GAN: variants seen among roughly 807,000 people sequenced by gnomAD.
GAN encodes epididymis secretory sperm binding protein.
Under a neutral mutation model 71.3 loss-of-function variants are expected in GAN, and 48 were observed. The ratio of observed to expected loss-of-function variants is 0.67; its 90% CI spans 0.53 to 0.86. The LOEUF is 0.86. GAN is among the 40% of genes least tolerant of loss of function. The probability of loss-of-function intolerance (pLI) is 0.00; values close to 1 mark genes in which losing one functional copy is unlikely to be tolerated. For synonymous variants in GAN, 386 were observed against 276.8 expected (o/e 1.39, Z -3.92); for missense variants, 928 against 770.1 (o/e 1.21, Z -2.43).
In GAN at chr16:81,389,444, C is replaced by T. The variant is rs1904500231; in HGVS notation, c.*11848C>T. 6.6e-6 allele frequency: 1 copy of T among 152,194 alleles called. No homozygotes were observed. The allele number at this position is 152,194 out of a possible 1,614,324, so 9.4% of individuals were successfully genotyped here. On this transcript the variant is annotated 3_prime_UTR_variant, in exon 11 of 11. Coordinates refer to ENST00000648994, the MANE Select transcript of GAN (RefSeq NM_022041.4). ...CCACTGTTGGGGTGTGTACCAGCAG[C>T]CTGGAAGTGACCAGCAGAGCTGACA...
chr16:81,371,557 G>A (rs1270514406), intron 9 of GAN, among the ~76,000 whole-genome samples: 1 of 152,174 alleles, frequency 6.6e-6, no homozygotes, highest in Non-Finnish European at 1.5e-5. Flanking sequence ...CGAAGCCTCG[G>A]TCATAAGCAT....
intron 1 of GAN, among the ~76,000 whole-genome samples, chr16:81,330,299 G>A (rs1909533273): frequency 6.6e-6 from 1 of 152,234 alleles, no homozygotes; most frequent in Admixed American, 6.5e-5. Context: ...GGCTGATTCA[G>A]TGCTGGGGCA....
chr16:81,373,292 T>G (rs1225148198), intron 9 of GAN, among the ~76,000 whole-genome samples: 1 of 152,210 alleles, frequency 6.6e-6, no homozygotes, highest in Non-Finnish European at 1.5e-5. Context: ...CTTAAGACCA[T>G]TTAGATGCAT....
rs185199915 is a variant in GAN, at chr16:81,343,006, A to G, written c.168-8577A>G. 1.7e-3 allele frequency among the ~76,000 whole-genome samples: 257 copies of G among 152,312 alleles called. No homozygotes were observed. In the Middle Eastern group the frequency reaches 0.017, roughly 10 times the overall value. Reference sequence around the variant, plus strand: ...CAGAGAATACTATGAACACCTCTACAGAAATAAACTAGAACATCTAGAAGA... The same window carrying G: ...CAGAGAATACTATGAACACCTCTACGGAAATAAACTAGAACATCTAGAAGA... On this transcript the variant is annotated intron_variant, in intron 1 of 10. Transcript: ENST00000648994.
At chr16:81,372,280 G>C (rs6564876) in intron 9 of GAN, among the ~76,000 whole-genome samples, 100,809 of 152,082 alleles carry the variant, frequency 0.66, 33,589 homozygotes, top group East Asian at 0.87. Context: ...GCAAAAATTA[G>C]TATCGTTTAA....
At chr16:81,350,915 C>A (rs562751762) in intron 1 of GAN, among the ~76,000 whole-genome samples, 2 of 152,068 alleles carry the variant, frequency 1.3e-5, no homozygotes, top group East Asian at 3.8e-4. Flanking sequence ...CCCCAGATGC[C>A]CATCAACAGG....
At chr16:81,338,592 A>C (rs1046735482) in intron 1 of GAN, among the ~76,000 whole-genome samples, 1 of 152,240 alleles carries the variant, frequency 6.6e-6, no homozygotes, top group Admixed American at 6.5e-5. Flanking sequence ...AGTATATGGA[A>C]GGAAAGAAAT....
At position 81,377,319 on chromosome 16, in the gene GAN, C is replaced by T; in HGVS notation, c.1603C>T (p.Leu535Phe). 1 of 1,591,664 alleles carries T rather than the reference C, an allele frequency of 6.3e-7. No homozygotes were observed. The highest frequency in any genetic ancestry group is 1.7e-5 in the Admixed American group (1 of 59,988). Residue 535 changes from leucine to phenylalanine, a missense_variant, in exon 10 of 11, where the codon CTT (leucine) becomes TTT (phenylalanine). Leu to Phe is a conservative substitution (Grantham distance 22, BLOSUM62 0). Transcript: ENST00000648994. The stretch of plus-strand genomic sequence containing the variant: ...AGCCAGTATTTATGTTATTGGAGAT[C>T]TTGATACAGGTAAGAGTGTTACAGT... ...IGASIYVIGDLDTGTNYDYVR... is the reference protein window; with the variant it reads ...IGASIYVIGDFDTGTNYDYVR...
intron 2 of GAN, among the ~76,000 whole-genome samples, chr16:81,353,496 C>A (rs1404193144): frequency 6.6e-6 from 1 of 152,140 alleles, no homozygotes; most frequent in African/African-American, 2.4e-5. Flanking sequence ...ATACTACTTT[C>A]CACATTTTTG....
rs1403913047 is a variant in GAN at position 81,388,416 on chromosome 16, T to C, written c.*10820T>C. Reference sequence around the variant, plus strand: ...AACCAGCTGGCCCTGGCTGTGAGAGTCAGATCTGTCCCCAAGGCTCCAGGT... The same window carrying C: ...AACCAGCTGGCCCTGGCTGTGAGAGCCAGATCTGTCCCCAAGGCTCCAGGT... On this transcript the variant is annotated 3_prime_UTR_variant, in exon 11 of 11. Transcript: ENST00000648994. The C allele has an allele frequency of 6.6e-6, 1 of 152,210 alleles. No individual in the cohort carries two copies. Among genetic ancestry groups the C allele is most frequent in the Non-Finnish European group, 1.5e-5 (1 of 68,240 alleles). 9.4% of individuals were successfully genotyped at this position (152,210 alleles called of 1,614,324 possible). A position where few individuals can be genotyped will look rare whatever the true frequency, so the allele number is the denominator to read the frequency against.
intron 1 of GAN, among the ~76,000 whole-genome samples, chr16:81,320,787 C>T (rs891068742): frequency 6.6e-6 from 1 of 152,186 alleles, no homozygotes; most frequent in East Asian, 1.9e-4. Flanking sequence ...GCTTGAGTCT[C>T]TTTTAAGGGA....
At chr16:81,334,585 G>A (rs143988931) in intron 1 of GAN, among the ~76,000 whole-genome samples, 21 of 152,310 alleles carry the variant, frequency 1.4e-4, no homozygotes, top group South Asian at 6.2e-4. Flanking sequence ...TTCCCATTCG[G>A]ATTATTGCAC....
intron 1 of GAN, among the ~76,000 whole-genome samples, chr16:81,342,374 T>C (rs1359558961): frequency 6.6e-6 from 1 of 152,168 alleles, no homozygotes; most frequent in Non-Finnish European, 1.5e-5. Context: ...ATTGACCACA[T>C]AATTGGAAGT....
In GAN at chr16:81,357,752, C is replaced by T. The variant is rs530973670; in HGVS notation, c.852-58C>T. 2.0e-6 allele frequency: 3 copies of T among 1,510,962 alleles called. No individual in the cohort carries two copies. The African/African-American group carries it at 4.1e-5, about 21-fold the overall frequency. The allele number at this position is 1,510,962 out of a possible 1,614,324, so 93.6% of individuals were successfully genotyped here. ...AGTAAACTAAAACTAGTGATGGCTACTTATAAAAAGAACTGTATGAAGCAC... is the reference window on the plus strand; with the variant it reads ...AGTAAACTAAAACTAGTGATGGCTATTTATAAAAAGAACTGTATGAAGCAC... On this transcript the variant is annotated intron_variant, in intron 4 of 10. Transcript: ENST00000648994.
At chr16:81,330,529 G>A (rs916249656) in intron 1 of GAN, among the ~76,000 whole-genome samples, 5 of 152,218 alleles carry the variant, frequency 3.3e-5, no homozygotes, top group African/African-American at 1.2e-4. Context: ...GTGAATGAAT[G>A]AATGCATGAA....
intron 5 of GAN, among the ~76,000 whole-genome samples, chr16:81,359,415 T>C (rs533950102): frequency 1.3e-5 from 2 of 151,738 alleles, no homozygotes; most frequent in African/African-American, 4.8e-5. Flanking sequence ...GTTTTTTTTT[T>C]TTTTTTTGCC....
At chr16:81,342,373 AT>A (rs1909972674) in intron 1 of GAN, among the ~76,000 whole-genome samples, 1 of 152,236 alleles carries the variant, frequency 6.6e-6, no homozygotes, top group South Asian at 2.1e-4. Context: ...AATTGACCAC[AT>A]AATTGGAAGT....
Position 81,315,039 on chromosome 16 carries a change from G to C in GAN, c.-75G>C, listed in dbSNP as rs117642837. 29,783 of 1,212,674 alleles carry C rather than the reference G, an allele frequency of 0.025. 512 individuals are homozygous for C. Among genetic ancestry groups the C allele is most frequent in the African/African-American group, 0.078 (4,821 of 61,786 alleles). The allele number at this position is 1,212,674 out of a possible 1,614,324, so 75.1% of individuals were successfully genotyped here. ...GCCGGGCCGGGCGGGCGCGCGCGCA[G>C]GACTCGGGCCGCTCGAGGGGTCCGG... On this transcript the variant is annotated 5_prime_UTR_variant, in exon 1 of 11. Transcript: ENST00000648994.
rs1295715641 is a variant in GAN, at chr16:81,385,453, T to A, written c.*7857T>A. 1.3e-5 allele frequency: 2 copies of A among 152,222 alleles called. No individual in the cohort carries two copies. Among genetic ancestry groups the A allele is most frequent in the African/African-American group, 2.4e-5 (1 of 41,452 alleles). The allele number at this position is 152,222 out of a possible 1,614,324, so 9.4% of individuals were successfully genotyped here. ...TCTGCCACACTTACTACTCTGTGAC[T>A]TGGGAAGCTCTTAAGGCTCCCAAGG... On this transcript the variant is annotated 3_prime_UTR_variant, in exon 11 of 11. Transcript: ENST00000648994.
Sources: allele counts gnomAD v4.1 joint callset (sites outside exome capture counted in the v4.1 genomes callset), GRCh38; gene constraint gnomAD v4.1.1; transcripts MANE v1.5; gene names NCBI Gene and HGNC (gene_info 2026-07-23, HGNC 2026-07-21).